Variants in HCK observed in about 807,000 individuals in gnomAD.
HCK encodes the protein tyrosine-protein kinase HCK.
In HCK, 40 loss-of-function variants were observed where a neutral mutation model predicts 70.4. That is an observed-to-expected ratio of 0.57 (90% CI 0.44 to 0.74). The LOEUF is 0.74. Among genes scored for constraint, HCK ranks in the 30% least tolerant of loss-of-function variants. The pLI is 0.00. For synonymous variants in HCK, 245 were observed against 263.2 expected (o/e 0.93, Z 0.67); for missense variants, 568 against 697.2 (o/e 0.81, Z 2.09).
At chr20:32,054,551 A>G (rs2122440435) in intron 1 of HCK, among the ~76,000 whole-genome samples, 1 of 141,462 alleles carries the variant, frequency 7.1e-6, no homozygotes, top group East Asian at 2.2e-4. Context: ...TCACGCCTGT[A>G]ATCCCAGCAC....
At position 32,101,621 on chromosome 20, in the gene HCK, C is replaced by A; in HGVS notation, c.*102C>A. 1 of 912,472 alleles carries A rather than the reference C, an allele frequency of 1.1e-6. No homozygotes were observed. The allele number at this position is 912,472 out of a possible 1,614,324, so 56.5% of individuals were successfully genotyped here. A position where few individuals can be genotyped will look rare whatever the true frequency, so the allele number is the denominator to read the frequency against. ...CACACCCCCTTCCTACTCCCAGACA[C>A]CCACCCTCGCTTCAGCCACAGTTTC... On this transcript the variant is annotated 3_prime_UTR_variant, in exon 13 of 13. Transcript: ENST00000375852.
rs1255211051 is a variant in HCK, at chr20:32,101,812, T to A, written c.*293T>A. ...AAGGGAAACTTTCAAAATAGTGAAA[T>A]GAATATTTAAATAAAAGATATAAAT... On this transcript the variant is annotated 3_prime_UTR_variant, in exon 13 of 13. Transcript: ENST00000375852. 2.3e-5 allele frequency: 7 copies of A among 308,106 alleles called. 1 individual carries two copies. The highest frequency in any genetic ancestry group is 5.9e-5 in the East Asian group (1 of 16,962). The allele number at this position is 308,106 out of a possible 1,614,324, so 19.1% of individuals were successfully genotyped here.
chr20:32,099,792 G>A (rs1205781553), intron 12 of HCK, among the ~76,000 whole-genome samples: 1 of 152,110 alleles, frequency 6.6e-6, no homozygotes, highest in East Asian at 1.9e-4. Context: ...TGGTGCAGCG[G>A]CATCCTCATC....
At chr20:32,057,433 C>G (rs1340195938) in intron 1 of HCK, among the ~76,000 whole-genome samples, 1 of 152,240 alleles carries the variant, frequency 6.6e-6, no homozygotes, top group Non-Finnish European at 1.5e-5. Flanking sequence ...AACCCTGTCT[C>G]TACAAAAAGT....
chr20:32,088,039 G>A, intron 9 of HCK, among the ~76,000 whole-genome samples: 1 of 151,988 alleles, frequency 6.6e-6, no homozygotes, highest in Admixed American at 6.6e-5. Context: ...TGGGATTATA[G>A]GCATGAACCA....
At chr20:32,089,036 C>T (rs929301603) in intron 10 of HCK, among the ~76,000 whole-genome samples, 1 of 152,246 alleles carries the variant, frequency 6.6e-6, no homozygotes, top group African/African-American at 2.4e-5. Context: ...AGACATGGCT[C>T]AGCCTCCAGG....
chr20:32,088,645 G>A lies in HCK; in HGVS notation c.1092+1G>A. On this transcript the variant is annotated splice_donor_variant, in intron 10 of 12. Transcript: ENST00000375852. LOFTEE classifies it high-confidence loss of function. ...AAAACTCATTGACTTCTCAGCCCAG[G>A]TGAGAGCCTAACGAGGAAACGGGGA... 1 of 1,611,750 alleles carries A rather than the reference G, an allele frequency of 6.2e-7. No homozygotes were observed. Among genetic ancestry groups the A allele is most frequent in the Non-Finnish European group, 8.5e-7 (1 of 1,178,392 alleles).
Position 32,088,764 on chromosome 20 carries a change from G to T in HCK, c.1092+120G>T, listed in dbSNP as rs144123944. Reference sequence around the variant, plus strand: ...AATAATAATGGGTAAAATGTATTGAGAGCTCAGTATAAAACTATGTTTTTT... The same window carrying T: ...AATAATAATGGGTAAAATGTATTGATAGCTCAGTATAAAACTATGTTTTTT... On this transcript the variant is annotated intron_variant, in intron 10 of 12. Coordinates refer to ENST00000375852, the MANE Select transcript of HCK (RefSeq NM_002110.5). 9.2e-4 allele frequency: 656 copies of T among 716,420 alleles called. 1 individual carries two copies. The African/African-American group carries it at 0.011, about 12-fold the overall frequency. The allele number at this position is 716,420 out of a possible 1,614,324, so 44.4% of individuals were successfully genotyped here.
At chr20:32,061,499 A>G (rs2045375756) in intron 1 of HCK, among the ~76,000 whole-genome samples, 1 of 152,100 alleles carries the variant, frequency 6.6e-6, no homozygotes, top group South Asian at 2.1e-4. Flanking sequence ...GAGATCTGAG[A>G]GGTGCATCCT....
chr20:32,061,671 T>C (rs1385431307), intron 1 of HCK, among the ~76,000 whole-genome samples: 1 of 152,164 alleles, frequency 6.6e-6, no homozygotes, highest in African/African-American at 2.4e-5. Flanking sequence ...AAGGAAGTGA[T>C]GGAGCCTTTC....
At chr20:32,100,715 A>C (rs972865919) in intron 12 of HCK, among the ~76,000 whole-genome samples, 1 of 152,150 alleles carries the variant, frequency 6.6e-6, no homozygotes, top group Non-Finnish European at 1.5e-5. Context: ...TGAACTGAAC[A>C]AAAAAATGGT....
chr20:32,089,196 G>A (rs1167999991), intron 10 of HCK, among the ~76,000 whole-genome samples: 2 of 152,272 alleles, frequency 1.3e-5, no homozygotes, highest in Non-Finnish European at 2.9e-5. Flanking sequence ...CTTGCTAATG[G>A]CCCATTGGCC....
intron 5 of HCK, among the ~76,000 whole-genome samples, chr20:32,079,226 TCAGGC>T (rs1415324134): frequency 6.6e-6 from 1 of 152,344 alleles, no homozygotes; most frequent in African/African-American, 2.4e-5. Context: ...GCTTAGAAGT[TCAGGC>T]CAACTTTATA....
At chr20:32,099,238 C>G in intron 12 of HCK, 103 bp downstream of exon 12, 3 of 1,232,658 alleles carry the variant, frequency 2.4e-6, no homozygotes, top group Non-Finnish European at 3.5e-6. Context: ...ATCCTCACCC[C>G]CAACCTTCCC....
At chr20:32,068,222 C>G (rs1014842283) in intron 1 of HCK, among the ~76,000 whole-genome samples, 5 of 151,848 alleles carry the variant, frequency 3.3e-5, no homozygotes, top group African/African-American at 1.2e-4. Flanking sequence ...CACTTGAACC[C>G]TGGAGGCAGA....
In HCK at chr20:32,101,581, C is replaced by T. The variant is rs1255171070; in HGVS notation, c.*62C>T. On this transcript the variant is annotated 3_prime_UTR_variant, in exon 13 of 13. Coordinates refer to ENST00000375852, the MANE Select transcript of HCK (RefSeq NM_002110.5). Reference sequence around the variant, plus strand: ...TGGTGGCTGCAAGGTGGCTCCAGCACCATCCGCCAGGGCCCACACCCCCTT... The same window carrying T: ...TGGTGGCTGCAAGGTGGCTCCAGCATCATCCGCCAGGGCCCACACCCCCTT... 2.1e-6 allele frequency: 3 copies of T among 1,420,606 alleles called. No homozygotes were observed. In the African/African-American group the frequency reaches 4.2e-5, roughly 20 times the overall value. The allele number at this position is 1,420,606 out of a possible 1,614,324, so 88.0% of individuals were successfully genotyped here. A position where few individuals can be genotyped will look rare whatever the true frequency, so the allele number is the denominator to read the frequency against.
intron 1 of HCK, among the ~76,000 whole-genome samples, chr20:32,062,453 T>C (rs2045393876): frequency 6.6e-6 from 1 of 152,156 alleles, no homozygotes; most frequent in African/African-American, 2.4e-5. Context: ...GCTATGAGTT[T>C]TATATGTGGT....
chr20:32,099,119 C>T lies in HCK; in HGVS notation c.1362C>T (p.Gly454=). The T allele has an allele frequency of 6.2e-7, 1 of 1,614,124 alleles. No individual in the cohort carries two copies. Among genetic ancestry groups the T allele is most frequent in the East Asian group, 2.2e-5 (1 of 44,880 alleles). Residue 454 remains glycine (G), a synonymous_variant, in exon 12 of 13, where the codon GGC becomes GGT. Coordinates refer to ENST00000375852, the MANE Select transcript of HCK (RefSeq NM_002110.5). ...TGCTGATGGAGATCGTCACCTACGG[C>T]CGGATCCCTTACCCAGGTAGGGAAG...
intron 1 of HCK, among the ~76,000 whole-genome samples, chr20:32,058,647 C>T (rs1275716941): frequency 1.4e-5 from 2 of 142,424 alleles, no homozygotes; most frequent in African/African-American, 5.1e-5. Context: ...CACATACACA[C>T]ACTAGTCCAT....
Sources: gnomAD v4.1 joint callset for allele counts (sites outside exome capture counted in the v4.1 genomes callset) on GRCh38, gnomAD v4.1.1 for gene constraint, MANE v1.5 for transcripts, NCBI Gene and HGNC (gene_info 2026-07-23, HGNC 2026-07-21) for gene names.